NDST4: variants seen among roughly 807,000 people sequenced by gnomAD.
The protein encoded by NDST4 is N-deacetylase and N-sulfotransferase 4.
NDST4 carries 63 observed loss-of-function variants against 100.8 expected under a neutral mutation model. That is an observed-to-expected ratio of 0.62 (90% CI 0.51 to 0.77). The LOEUF is 0.77. Ranked by LOEUF, NDST4 falls within the 30% of genes least tolerant of loss-of-function variation. The probability of loss-of-function intolerance (pLI) is 0.00; values close to 1 mark genes in which losing one functional copy is unlikely to be tolerated. For synonymous variants in NDST4, 377 were observed against 361.8 expected (o/e 1.04, Z -0.48); for missense variants, 943 against 1,018.4 (o/e 0.93, Z 1.01).
At chr4:114,867,829 T>G (rs1313143947) in intron 7 of NDST4, among the ~76,000 whole-genome samples, 1 of 152,126 alleles carries the variant, frequency 6.6e-6, no homozygotes, top group Non-Finnish European at 1.5e-5. Flanking sequence ...GTCTGGGGAT[T>G]GCATTTCATA....
intron 4 of NDST4, among the ~76,000 whole-genome samples, chr4:114,947,784 C>A (rs1725898625): frequency 6.6e-6 from 1 of 151,998 alleles, no homozygotes; most frequent in Non-Finnish European, 1.5e-5. Flanking sequence ...TGGCATATTT[C>A]TCTTCATTCT....
intron 2 of NDST4, among the ~76,000 whole-genome samples, chr4:115,035,797 A>C (rs1728219840): frequency 6.6e-6 from 1 of 152,042 alleles, no homozygotes; most frequent in Non-Finnish European, 1.5e-5. Flanking sequence ...TATGAGATAG[A>C]AGTGCCATGT....
chr4:114,909,573 T>A (rs933265549), intron 6 of NDST4, among the ~76,000 whole-genome samples: 6 of 145,500 alleles, frequency 4.1e-5, no homozygotes, highest in Non-Finnish European at 7.4e-5. Context: ...GGCAGGAGAA[T>A]GGCGTGAACC....
At chr4:114,976,170 T>C (rs753333654) in intron 3 of NDST4, among the ~76,000 whole-genome samples, 1 of 152,078 alleles carries the variant, frequency 6.6e-6, no homozygotes, top group Non-Finnish European at 1.5e-5. Context: ...AAACAAGGTA[T>C]TTATGAAAAC....
intron 2 of NDST4, among the ~76,000 whole-genome samples, chr4:115,063,354 C>G (rs1728863884): frequency 6.6e-6 from 1 of 151,868 alleles, no homozygotes; most frequent in Admixed American, 6.6e-5. Flanking sequence ...AAATAAAAGA[C>G]AATGTCTATG....
rs1359515130 is a variant in NDST4 at position 115,009,008 on chromosome 4, CA to C, written c.979-31735del. On this transcript the variant is annotated intron_variant, in intron 2 of 13. Coordinates refer to ENST00000264363, the MANE Select transcript of NDST4 (RefSeq NM_022569.3). ...TGAAGGACCTCTTCAAGGAGAACTA[CA>C]AACCACTGCTCAATGAAATAAAAGA... 4.0e-5 allele frequency among the ~76,000 whole-genome samples: 5 copies of C among 126,252 alleles called. 1 individual carries two copies. The highest frequency in any genetic ancestry group is 1.5e-4 in the African/African-American group (5 of 33,246). The allele number at this position is 126,252 out of a possible 152,430, so 82.8% of individuals were successfully genotyped here.
At chr4:114,962,719 T>C (rs1395272621) in intron 4 of NDST4, among the ~76,000 whole-genome samples, 2 of 152,064 alleles carry the variant, frequency 1.3e-5, no homozygotes, top group Non-Finnish European at 2.9e-5. Context: ...TTAATATTGG[T>C]AAGAGCTGTA....
chr4:115,025,838 G>A (rs1448594175), intron 2 of NDST4, among the ~76,000 whole-genome samples: 4 of 152,064 alleles, frequency 2.6e-5, no homozygotes, highest in Non-Finnish European at 5.9e-5. Flanking sequence ...TATGCGGTAC[G>A]ATTTTATTGA....
At chr4:115,014,763 G>C (rs1424179716) in intron 2 of NDST4, among the ~76,000 whole-genome samples, 1 of 152,032 alleles carries the variant, frequency 6.6e-6, no homozygotes, top group Non-Finnish European at 1.5e-5. Context: ...GCAATGCCTT[G>C]TCATCCTCCT....
chr4:115,024,888 C>T (rs1299070399), intron 2 of NDST4, among the ~76,000 whole-genome samples: 5 of 152,174 alleles, frequency 3.3e-5, no homozygotes, highest in Admixed American at 3.3e-4. Context: ...GGGTTTTTCT[C>T]TCATGAATGG....
intron 12 of NDST4, among the ~76,000 whole-genome samples, chr4:114,831,938 A>G (rs1723209437): frequency 6.6e-6 from 1 of 152,108 alleles, no homozygotes; most frequent in African/African-American, 2.4e-5. Context: ...CTTTTAGTAC[A>G]TGAGTTGGTT....
intron 2 of NDST4, among the ~76,000 whole-genome samples, chr4:115,003,927 A>G (rs781626502): frequency 1.3e-5 from 2 of 152,100 alleles, no homozygotes; most frequent in Non-Finnish European, 2.9e-5. Context: ...TGAGGTGCGC[A>G]GTGTTTAAAT....
chr4:114,843,281 A>G (rs1014835645), intron 10 of NDST4, among the ~76,000 whole-genome samples: 2 of 152,232 alleles, frequency 1.3e-5, no homozygotes, highest in African/African-American at 4.8e-5. Context: ...GAATGCAGGC[A>G]GGGTTGCCCC....
chr4:114,997,007 T>G (rs760852088), intron 2 of NDST4, among the ~76,000 whole-genome samples: 23 of 152,254 alleles, frequency 1.5e-4, no homozygotes, highest in Non-Finnish European at 2.9e-4. Context: ...GGCAGCTACC[T>G]GACCTAGCAA....
chr4:114,901,127 T>C (rs1724829097), intron 6 of NDST4, among the ~76,000 whole-genome samples: 1 of 152,034 alleles, frequency 6.6e-6, no homozygotes, highest in Non-Finnish European at 1.5e-5. Context: ...TGCTGTTGTT[T>C]GATGACGTAG....
chr4:115,053,655 G>C (rs144218402), intron 2 of NDST4, among the ~76,000 whole-genome samples: 1 of 152,174 alleles, frequency 6.6e-6, no homozygotes, highest in East Asian at 1.9e-4. Flanking sequence ...AAATCTGTTA[G>C]ACTATTCACC....
At chr4:114,831,243 G>A (rs920986850) in intron 12 of NDST4, among the ~76,000 whole-genome samples, 2 of 150,386 alleles carry the variant, frequency 1.3e-5, no homozygotes, top group South Asian at 4.2e-4. Flanking sequence ...TAGTAGAGAC[G>A]GGGTTTCACC....
intron 2 of NDST4, among the ~76,000 whole-genome samples, chr4:115,065,382 G>T (rs498347): frequency 0.26 from 39,420 of 151,944 alleles, 7,038 homozygotes; most frequent in African/African-American, 0.48. Context: ...AGCCCTTGTC[G>T]TTTAAAAGAG....
At chr4:114,896,099 G>T (rs1161616413) in intron 6 of NDST4, among the ~76,000 whole-genome samples, 2 of 151,980 alleles carry the variant, frequency 1.3e-5, no homozygotes, top group East Asian at 1.9e-4. Flanking sequence ...ACATTCATGG[G>T]ATTATGGTAT....
Sources: gnomAD v4.1 joint callset for allele counts (sites outside exome capture counted in the v4.1 genomes callset) on GRCh38, gnomAD v4.1.1 for gene constraint, MANE v1.5 for transcripts, NCBI Gene and HGNC (gene_info 2026-07-23, HGNC 2026-07-21) for gene names.